NEK1: variants seen among roughly 807,000 people sequenced by gnomAD.
The protein encoded by NEK1 is NIMA related kinase 1, also known as serine/threonine-protein kinase Nek1.
NEK1 carries 137 observed loss-of-function variants against 182.1 expected under a neutral mutation model. The observed-to-expected ratio is 0.75, with a 90% confidence interval of 0.65 to 0.87. NEK1 has a LOEUF of 0.87. Among genes scored for constraint, NEK1 ranks in the 40% least tolerant of loss-of-function variants. The probability of loss-of-function intolerance (pLI) is 0.00; values close to 1 mark genes in which losing one functional copy is unlikely to be tolerated. For synonymous variants in NEK1, 513 were observed against 492.2 expected (o/e 1.04, Z -0.56); for missense variants, 1,391 against 1,494.4 (o/e 0.93, Z 1.14).
At chr4:169,420,016 C>T (rs1052161267) in intron 31 of NEK1, among the ~76,000 whole-genome samples, 1 of 152,168 alleles carries the variant, frequency 6.6e-6, no homozygotes, top group Admixed American at 6.5e-5. Flanking sequence ...GCGTACACTA[C>T]TGTGGACTTT....
chr4:169,609,568 T>C (rs1771962045), intron 2 of NEK1, among the ~76,000 whole-genome samples: 1 of 152,080 alleles, frequency 6.6e-6, no homozygotes, highest in African/African-American at 2.4e-5. Flanking sequence ...AATACATAAG[T>C]ATATATGCTT....
intron 19 of NEK1, among the ~76,000 whole-genome samples, chr4:169,514,464 G>C (rs759227131): frequency 2.0e-5 from 3 of 152,092 alleles, no homozygotes; most frequent in Non-Finnish European, 4.4e-5. Context: ...ATTCTTCTTT[G>C]AATGTTTGGT....
intron 26 of NEK1, among the ~76,000 whole-genome samples, chr4:169,470,218 A>T (rs1745699857): frequency 1.3e-5 from 2 of 152,298 alleles, no homozygotes; most frequent in South Asian, 4.1e-4. Flanking sequence ...GTTTCTTCAT[A>T]GTGTCAATGG....
intron 18 of NEK1, among the ~76,000 whole-genome samples, chr4:169,548,955 G>T (rs1760981176): frequency 6.6e-6 from 1 of 152,212 alleles, no homozygotes; most frequent in Admixed American, 6.5e-5. Context: ...CCTGGCCTCA[G>T]CCCCCTTTCT....
chr4:169,531,022 A>G (rs1330030613), intron 19 of NEK1, among the ~76,000 whole-genome samples: 2 of 151,370 alleles, frequency 1.3e-5, no homozygotes, highest in Admixed American at 1.3e-4. Context: ...TCACTCCAGG[A>G]TATTATTTAT....
intron 5 of NEK1, among the ~76,000 whole-genome samples, chr4:169,591,917 A>C (rs1382554244): frequency 6.6e-6 from 1 of 152,156 alleles, no homozygotes; most frequent in African/African-American, 2.4e-5. Context: ...AAGTTATTCA[A>C]ATCACTGAGA....
chr4:169,477,863 T>C (rs1333338260), intron 24 of NEK1, among the ~76,000 whole-genome samples: 1 of 152,008 alleles, frequency 6.6e-6, no homozygotes. Flanking sequence ...ATTCATATAC[T>C]CTCTTAATTA....
Position 169,576,972 on chromosome 4 carries a change from C to T in NEK1, c.976G>A (p.Asp326Asn). The stretch of plus-strand genomic sequence containing the variant: ...GGTTTCTTTTCGTGTAATTTTTTAT[C>T]TCCATATTTCTTATATGCTAAAGGT... ...GIPLAYKKYG[D>N]KKLHEKKPLQ... Residue 326 changes from aspartate to asparagine, a missense_variant, in exon 12 of 36, where the codon GAT becomes AAT. Asp to Asn is a conservative substitution (Grantham distance 23). Transcript: ENST00000507142. 1 of 1,611,460 alleles carries T rather than the reference C, an allele frequency of 6.2e-7. No homozygotes were observed. The highest frequency in any genetic ancestry group is 1.3e-5 in the African/African-American group (1 of 74,954).
intron 10 of NEK1, among the ~76,000 whole-genome samples, chr4:169,584,752 TTA>T (rs1767248116): frequency 1.3e-5 from 2 of 152,228 alleles, no homozygotes; most frequent in South Asian, 4.1e-4. Context: ...CACAATAACC[TTA>T]TAGATACATT....
At chr4:169,456,581 A>C (rs1486153177) in intron 27 of NEK1, among the ~76,000 whole-genome samples, 1 of 152,210 alleles carries the variant, frequency 6.6e-6, no homozygotes, top group African/African-American at 2.4e-5. Context: ...TACTATGAGC[A>C]GCTGTATTTC....
chr4:169,537,972 A>G, intron 18 of NEK1, 61 bp from the exon 19 acceptor site: 1 of 1,209,252 alleles, frequency 8.3e-7, no homozygotes, highest in African/African-American at 1.5e-5. Context: ...AAAAGTTAAA[A>G]ATTACATTTA....
intron 2 of NEK1, among the ~76,000 whole-genome samples, chr4:169,610,199 G>C (rs1250955321): frequency 6.6e-6 from 1 of 151,796 alleles, no homozygotes; most frequent in African/African-American, 2.4e-5. Context: ...ACGGGGTTTC[G>C]CCATACTGGC....
chr4:169,555,587 A>G, intron 18 of NEK1, 133 bp downstream of exon 18: 1 of 1,184,826 alleles, frequency 8.4e-7, no homozygotes, highest in East Asian at 2.4e-5. Flanking sequence ...TCAGAAAATT[A>G]TTGTACCCAA....
chr4:169,561,711 T>C lies in NEK1; in HGVS notation c.1167A>G (p.Gln389=), dbSNP rs369418630. The part of the protein sequence containing the change: ...DQIISLMKAE[Q]MKRQEKERLE... ...CCCTTTCCTTTTCTTGCCTTTTCAT[T>C]TGTTCAGCCTTCATTAAACTAATAA... Residue 389 remains glutamine, a synonymous_variant, in exon 15 of 36, where the codon CAA becomes CAG. Coordinates refer to ENST00000507142, the MANE Select transcript of NEK1 (RefSeq NM_001199397.3). 3 of 1,570,992 alleles carry C rather than the reference T, an allele frequency of 1.9e-6. No individual in the cohort carries two copies. The highest frequency in any genetic ancestry group is 1.4e-5 in the African/African-American group (1 of 73,640).
chr4:169,470,719 A>G (rs1745797014), intron 26 of NEK1, among the ~76,000 whole-genome samples: 1 of 152,208 alleles, frequency 6.6e-6, no homozygotes, highest in Non-Finnish European at 1.5e-5. Flanking sequence ...GTGTTTTCCA[A>G]CTTGGTTCCA....
At chr4:169,577,206 T>C in intron 11 of NEK1, 127 bp from the exon 12 acceptor site, 1 of 909,788 alleles carries the variant, frequency 1.1e-6, no homozygotes, top group Admixed American at 2.9e-5. Context: ...TTCTATCAAA[T>C]ATCTTAATTC....
At chr4:169,551,464 T>C (rs996303418) in intron 18 of NEK1, among the ~76,000 whole-genome samples, 1 of 152,178 alleles carries the variant, frequency 6.6e-6, no homozygotes, top group African/African-American at 2.4e-5. Flanking sequence ...TACAAACAAC[T>C]GGTTATACTA....
intron 31 of NEK1, among the ~76,000 whole-genome samples, chr4:169,413,788 G>A (rs778478394): frequency 1.3e-5 from 2 of 152,206 alleles, no homozygotes; most frequent in South Asian, 4.1e-4. Context: ...AAGCCGAGGT[G>A]GGCAGATCGC....
At chr4:169,448,167 T>C (rs1740949033) in intron 27 of NEK1, among the ~76,000 whole-genome samples, 1 of 151,430 alleles carries the variant, frequency 6.6e-6, no homozygotes, top group Non-Finnish European at 1.5e-5. Context: ...GTGGAAGTTG[T>C]AGTAAGCTGA....
Sources: gnomAD v4.1 joint callset for allele counts (sites outside exome capture counted in the v4.1 genomes callset) on GRCh38, gnomAD v4.1.1 for gene constraint, MANE v1.5 for transcripts, NCBI Gene and HGNC (gene_info 2026-07-23, HGNC 2026-07-21) for gene names.